The following KIF21A variants were observed in gnomAD, a reference collection of about 807,000 sequenced individuals.
KIF21A encodes kinesin family member 21A.
In KIF21A, 114 loss-of-function variants were observed where a neutral mutation model predicts 202.9. That is an observed-to-expected ratio of 0.56 (90% CI 0.48 to 0.66). The LOEUF (loss-of-function observed/expected upper bound fraction) is 0.66. KIF21A is among the 30% of genes least tolerant of loss of function. The pLI is 0.00. For missense variants in KIF21A, 1,677 were observed against 1,994.9 expected (o/e 0.84, Z 3.04); for synonymous variants, 667 against 670.8 (o/e 0.99, Z 0.09).
intron 1 of KIF21A, among the ~76,000 whole-genome samples, chr12:39,426,565 A>C (rs1954766548): frequency 1.3e-5 from 2 of 152,128 alleles, no homozygotes; most frequent in African/African-American, 4.8e-5. Context: ...ATTAAGAAGC[A>C]TTTACATTAC....
chr12:39,396,792 A>T (rs1951790783), intron 1 of KIF21A, among the ~76,000 whole-genome samples: 1 of 152,184 alleles, frequency 6.6e-6, no homozygotes, highest in Non-Finnish European at 1.5e-5. Context: ...AATAACCAAA[A>T]ACTAGGCACA....
At chr12:39,309,885 T>A in intron 32 of KIF21A, 119 bp from the exon 33 acceptor site, 1 of 861,932 alleles carries the variant, frequency 1.2e-6, no homozygotes, top group Non-Finnish European at 1.8e-6. Flanking sequence ...AAATAGTAAT[T>A]AACATACCAC....
chr12:39,306,716 T>C (rs568912920), intron 34 of KIF21A, among the ~76,000 whole-genome samples: 8 of 152,316 alleles, frequency 5.3e-5, no homozygotes, highest in South Asian at 2.1e-4. Context: ...CATTATAAGA[T>C]GAGCTCTAAG....
chr12:39,413,354 G>GC (rs1471442875), intron 1 of KIF21A, among the ~76,000 whole-genome samples: 1 of 152,068 alleles, frequency 6.6e-6, no homozygotes, highest in Non-Finnish European at 1.5e-5. Context: ...CTTCCCTCCT[G>GC]CCCCTACCTA....
rs749285092 is a variant in KIF21A, at chr12:39,318,161, AAGG to A, written c.3817_3819del (p.Pro1273del). ...TTACGGGGCCGGCTTGGTGGGGAAG[AAGG>A]AGGTGAAAGACTAGCCTCTGAAGTT... On this transcript the variant is annotated inframe_deletion, in exon 29 of 38. Coordinates refer to ENST00000361418, the MANE Select transcript of KIF21A (RefSeq NM_001173464.2). 40 of 1,613,712 alleles carry A rather than the reference AAGG, an allele frequency of 2.5e-5. No individual in the cohort carries two copies. The highest frequency in any genetic ancestry group is 3.3e-5 in the Non-Finnish European group (39 of 1,179,636).
rs756437471 is a variant in KIF21A at position 39,368,044 on chromosome 12, AT to A, written c.451-13del. 1.3e-5 allele frequency: 20 copies of A among 1,534,960 alleles called. No homozygotes were observed. The highest frequency in any genetic ancestry group is 1.1e-4 in the South Asian group (10 of 89,034). On this transcript the variant is annotated splice_polypyrimidine_tract_variant and intron_variant, in intron 3 of 37. Transcript: ENST00000361418. ...TCTTCATTATAGAGCTATCAAAAAA[AT>A]ATTAGAAATCTAATTTTAGCAGAAA...
At chr12:39,417,097 AG>A (rs1953824130) in intron 1 of KIF21A, among the ~76,000 whole-genome samples, 1 of 151,952 alleles carries the variant, frequency 6.6e-6, no homozygotes, top group Non-Finnish European at 1.5e-5. Flanking sequence ...GAATGGGGCC[AG>A]AAGAAAAATG....
chr12:39,325,610 G>T (rs771089247), intron 26 of KIF21A, among the ~76,000 whole-genome samples: 2 of 151,028 alleles, frequency 1.3e-5, no homozygotes, highest in Non-Finnish European at 2.9e-5. Flanking sequence ...CCAAGTGCTG[G>T]AATTACAGGC....
chr12:39,366,347 T>C lies in KIF21A; in HGVS notation c.903+3A>G. On this transcript the variant is annotated splice_donor_region_variant and intron_variant, in intron 6 of 37. Coordinates refer to ENST00000361418, the MANE Select transcript of KIF21A (RefSeq NM_001173464.2). ...TATTCTCAGCACAAAGCCTTAATCT[T>C]ACAAGTCCACAGTTGATAGAAATGC... 2 of 1,613,202 alleles carry C rather than the reference T, an allele frequency of 1.2e-6. No individual in the cohort carries two copies. Among genetic ancestry groups the C allele is most frequent in the Non-Finnish European group, 1.7e-6 (2 of 1,179,190 alleles).
At chr12:39,304,673 T>C in intron 35 of KIF21A, 148 bp downstream of exon 35, 1 of 601,088 alleles carries the variant, frequency 1.7e-6, no homozygotes, top group Admixed American at 2.9e-5. Flanking sequence ...ACAAAACCAC[T>C]AACTATGAAT....
At position 39,439,277 on chromosome 12, in the gene KIF21A, A is replaced by C. The variant is rs561197972; in HGVS notation, c.44+3650T>G. On this transcript the variant is annotated intron_variant, in intron 1 of 37. Coordinates refer to ENST00000361418, the MANE Select transcript of KIF21A (RefSeq NM_001173464.2). ...AATGTATTCCTCACATTTTTAAGTT[A>C]TAGTGCAGTGGTATCCAATGGACAC... Among the ~76,000 whole-genome samples, 155 of 152,320 alleles carry C rather than the reference A, an allele frequency of 1.0e-3. 1 individual carries two copies. Among genetic ancestry groups the C allele is most frequent in the Non-Finnish European group, 1.6e-3 (108 of 68,018 alleles).
chr12:39,323,200 G>A (rs1303852554), intron 26 of KIF21A, among the ~76,000 whole-genome samples: 1 of 152,078 alleles, frequency 6.6e-6, no homozygotes. Flanking sequence ...AAAAAGCTAA[G>A]TAATTTGGCC....
intron 20 of KIF21A, 89 bp from the exon 21 acceptor site, chr12:39,332,497 T>C (rs1338757325): frequency 3.3e-6 from 2 of 599,438 alleles, no homozygotes; most frequent in Non-Finnish European, 2.5e-6. Context: ...CAAAAAAAAC[T>C]TGGTAAGTGT....
chr12:39,325,012 A>T (rs1945708967), intron 26 of KIF21A, among the ~76,000 whole-genome samples: 1 of 152,240 alleles, frequency 6.6e-6, no homozygotes, highest in African/African-American at 2.4e-5. Context: ...TCACACATTT[A>T]ACTGCATGTA....
chr12:39,331,683 A>T lies in KIF21A; in HGVS notation c.3153+7T>A. The T allele has an allele frequency of 6.3e-7, 1 of 1,583,942 alleles. No homozygotes were observed. The highest frequency in any genetic ancestry group is 8.7e-7 in the Non-Finnish European group (1 of 1,152,394). On this transcript the variant is annotated splice_region_variant and intron_variant, in intron 22 of 37. Coordinates refer to ENST00000361418, the MANE Select transcript of KIF21A (RefSeq NM_001173464.2). ...AGATTTTCAGTAACAGTGTGGTTGTATCTTACCTTATTGATGCCCATTGAC... is the reference window on the plus strand; with the variant it reads ...AGATTTTCAGTAACAGTGTGGTTGTTTCTTACCTTATTGATGCCCATTGAC...
intron 37 of KIF21A, among the ~76,000 whole-genome samples, chr12:39,301,250 A>G: frequency 6.6e-6 from 1 of 152,228 alleles, no homozygotes; most frequent in East Asian, 1.9e-4. Flanking sequence ...CACACTTCCT[A>G]AAATAAGCAG....
intron 1 of KIF21A, among the ~76,000 whole-genome samples, chr12:39,389,736 T>C (rs1323104883): frequency 1.3e-5 from 2 of 152,212 alleles, no homozygotes; most frequent in Non-Finnish European, 2.9e-5. Flanking sequence ...CATTACTCTT[T>C]TGGAGTGCAG....
At chr12:39,390,570 T>A (rs1951275582) in intron 1 of KIF21A, among the ~76,000 whole-genome samples, 1 of 152,116 alleles carries the variant, frequency 6.6e-6, no homozygotes, top group African/African-American at 2.4e-5. Context: ...GGGATAAACT[T>A]CATTTATGTT....
At chr12:39,350,388 T>TA (rs1197320184) in intron 11 of KIF21A, among the ~76,000 whole-genome samples, 1 of 151,992 alleles carries the variant, frequency 6.6e-6, no homozygotes, top group East Asian at 1.9e-4. Flanking sequence ...GTTGTGACCT[T>TA]AAAAAATAAA....
Sources: gnomAD v4.1 joint callset for allele counts (sites outside exome capture counted in the v4.1 genomes callset) on GRCh38, gnomAD v4.1.1 for gene constraint, MANE v1.5 for transcripts, NCBI Gene and HGNC (gene_info 2026-07-23, HGNC 2026-07-21) for gene names.